Variants in PSD3 observed in about 807,000 individuals in gnomAD.
PSD3 encodes the protein pleckstrin and Sec7 domain containing 3.
PSD3 carries 49 observed loss-of-function variants against 105.5 expected under a neutral mutation model. The observed-to-expected ratio is 0.46, with a 90% confidence interval of 0.37 to 0.59. The LOEUF is 0.59. Ranked by LOEUF, PSD3 falls within the 20% of genes least tolerant of loss-of-function variation. The probability of loss-of-function intolerance (pLI) is 0.00; values close to 1 mark genes in which losing one functional copy is unlikely to be tolerated. For missense variants in PSD3, 1,561 were observed against 1,263.8 expected (o/e 1.24, Z -3.57); for synonymous variants, 557 against 457.8 (o/e 1.22, Z -2.77).
At chr8:18,662,664 C>T (rs1373859311) in intron 9 of PSD3, among the ~76,000 whole-genome samples, 1 of 152,110 alleles carries the variant, frequency 6.6e-6, no homozygotes, top group African/African-American at 2.4e-5. Context: ...GTGTTCTTTG[C>T]CCCCTTCCAG....
intron 12 of PSD3, among the ~76,000 whole-genome samples, chr8:18,576,712 G>A (rs1351622644): frequency 6.6e-6 from 1 of 152,038 alleles, no homozygotes; most frequent in Non-Finnish European, 1.5e-5. Context: ...TCCACGCAGT[G>A]TAACTTAGAT....
chr8:18,808,109 A>G (rs1811359040), intron 4 of PSD3, among the ~76,000 whole-genome samples: 2 of 152,226 alleles, frequency 1.3e-5, no homozygotes, highest in African/African-American at 2.4e-5. Context: ...TTTCCCATAC[A>G]AGTGACAGAA....
chr8:18,726,137 C>T (rs1393347639), intron 9 of PSD3, among the ~76,000 whole-genome samples: 1 of 152,186 alleles, frequency 6.6e-6, no homozygotes, highest in African/African-American at 2.4e-5. Flanking sequence ...CTGCCTTGTC[C>T]ACCACTTCCC....
chr8:19,074,612 T>TATATATATATATATATATA (rs1491425890), intron 1 of PSD3, among the ~76,000 whole-genome samples: 5 of 10,974 alleles, frequency 4.6e-4, no homozygotes, highest in African/African-American at 5.9e-4. Context: ...TATATATATA[T>TATATATATATATATATATA]TTTTTTTTTT....
chr8:19,006,068 G>A (rs1172156637), intron 1 of PSD3, among the ~76,000 whole-genome samples: 2 of 151,776 alleles, frequency 1.3e-5, no homozygotes, highest in African/African-American at 4.8e-5. Flanking sequence ...GCCGAGGCAG[G>A]CGAATCATGA....
chr8:18,781,634 T>C (rs1310309780), intron 8 of PSD3, among the ~76,000 whole-genome samples: 1 of 152,184 alleles, frequency 6.6e-6, no homozygotes, highest in Non-Finnish European at 1.5e-5. Flanking sequence ...TTTAGAATTC[T>C]CTTTTTCTTG....
At chr8:19,073,853 G>C (rs1057457468) in intron 1 of PSD3, among the ~76,000 whole-genome samples, 11 of 151,024 alleles carry the variant, frequency 7.3e-5, no homozygotes, top group African/African-American at 2.7e-4. Flanking sequence ...TGCAGTGGTA[G>C]GATCTCGGCT....
chr8:18,613,101 C>T (rs1448100934), intron 11 of PSD3, among the ~76,000 whole-genome samples: 1 of 152,114 alleles, frequency 6.6e-6, no homozygotes, highest in Admixed American at 6.5e-5. Context: ...ACTCTCACTA[C>T]ATCATTTTTT....
intron 14 of PSD3, among the ~76,000 whole-genome samples, chr8:18,563,768 C>G (rs1255196268): frequency 6.6e-6 from 1 of 152,032 alleles, no homozygotes; most frequent in Non-Finnish European, 1.5e-5. Flanking sequence ...AAGGCCACAT[C>G]AAAGAGTTTG....
At chr8:18,556,655 C>T (rs990395090) in intron 14 of PSD3, among the ~76,000 whole-genome samples, 5 of 152,212 alleles carry the variant, frequency 3.3e-5, no homozygotes, top group African/African-American at 9.6e-5. Context: ...TTAAGAGATG[C>T]CCTGACAGGC....
chr8:18,695,660 A>G (rs569180273), intron 9 of PSD3, among the ~76,000 whole-genome samples: 1 of 152,328 alleles, frequency 6.6e-6, no homozygotes, highest in South Asian at 2.1e-4. Context: ...CTTCTTGAGG[A>G]CACCAATCTC....
chr8:18,833,696 A>G (rs1813864889), intron 4 of PSD3, among the ~76,000 whole-genome samples: 1 of 152,366 alleles, frequency 6.6e-6, no homozygotes, highest in South Asian at 2.1e-4. Context: ...ATCACTAAAA[A>G]ATACAACAGT....
chr8:18,642,974 T>C (rs145892853), intron 10 of PSD3, among the ~76,000 whole-genome samples: 125 of 152,338 alleles, frequency 8.2e-4, no homozygotes, highest in Non-Finnish European at 3.8e-4. Flanking sequence ...GTATGAGATA[T>C]GCTTTAGGTT....
intron 1 of PSD3, among the ~76,000 whole-genome samples, chr8:18,981,401 G>C (rs1187879932): frequency 1.3e-5 from 2 of 152,158 alleles, no homozygotes; most frequent in African/African-American, 4.8e-5. Flanking sequence ...TTGAAGCCCA[G>C]ATTCTATCAC....
At chr8:18,536,661 G>A (rs748494477) in intron 15 of PSD3, among the ~76,000 whole-genome samples, 2 of 152,096 alleles carry the variant, frequency 1.3e-5, no homozygotes, top group African/African-American at 2.4e-5. Flanking sequence ...TACCAACTAT[G>A]TACTGAGTAC....
At chr8:18,627,657 T>C (rs191544342) in intron 11 of PSD3, among the ~76,000 whole-genome samples, 1 of 152,120 alleles carries the variant, frequency 6.6e-6, no homozygotes, top group Non-Finnish European at 1.5e-5. Flanking sequence ...GGCAAGCGTC[T>C]AAAGAATTCA....
intron 2 of PSD3, among the ~76,000 whole-genome samples, chr8:18,896,195 C>A (rs1819137908): frequency 6.6e-6 from 1 of 152,354 alleles, no homozygotes; most frequent in Middle Eastern, 3.4e-3. Context: ...GTATATACCA[C>A]ATTTTCTTTA....
chr8:18,936,034 T>C lies in PSD3; in HGVS notation c.130A>G (p.Ser44Gly), dbSNP rs1490509311. The change falls in exon 2 of 16, where the codon AGT becomes GGT. Residue 44 changes from serine (S) to glycine (G), a missense_variant and splice_region_variant. Coordinates refer to ENST00000327040, the MANE Select transcript of PSD3 (RefSeq NM_015310.4). The part of the protein sequence containing the change: ...GRSEGKAPDT[S>G]DHGGSTLLPP... ...GAGAGGGATATGAGGAAATACTTAC[T>C]AGTATCTGGAGCTTTCCCTTCAGAT... is the stretch of plus-strand genomic sequence containing the variant. The C allele has an allele frequency of 1.3e-6, 2 of 1,588,150 alleles. No homozygotes were observed. Among genetic ancestry groups the C allele is most frequent in the South Asian group, 1.1e-5 (1 of 90,446 alleles).
chr8:18,717,539 A>G (rs1802678536), intron 9 of PSD3, among the ~76,000 whole-genome samples: 1 of 152,184 alleles, frequency 6.6e-6, no homozygotes, highest in Non-Finnish European at 1.5e-5. Context: ...AAAAAAAACC[A>G]ACCATGAAGC....
Sources: gnomAD v4.1 joint callset for allele counts (sites outside exome capture counted in the v4.1 genomes callset) on GRCh38, gnomAD v4.1.1 for gene constraint, MANE v1.5 for transcripts, NCBI Gene and HGNC (gene_info 2026-07-23, HGNC 2026-07-21) for gene names.